TACR1: variants seen among roughly 807,000 people sequenced by gnomAD.
The protein encoded by TACR1 is substance-P receptor.
Under a neutral mutation model 35.8 loss-of-function variants are expected in TACR1, and 25 were observed. The observed-to-expected ratio is 0.70, with a 90% CI of 0.51 to 0.98. The LOEUF (loss-of-function observed/expected upper bound fraction) is 0.98. TACR1 is among the 50% of genes least tolerant of loss of function. The pLI, the probability that TACR1 is intolerant of heterozygous loss-of-function variation, is 0.00. For missense variants in TACR1, 478 were observed against 522.9 expected (o/e 0.91, Z 0.84); for synonymous variants, 195 against 206.7 (o/e 0.94, Z 0.48).
intron 2 of TACR1, among the ~76,000 whole-genome samples, chr2:75,086,894 T>G (rs1673199672): frequency 6.6e-6 from 1 of 152,146 alleles, no homozygotes; most frequent in South Asian, 2.1e-4. Flanking sequence ...AATGTGACAA[T>G]GACTTTCACC....
chr2:75,100,626 G>C (rs1673518188), intron 2 of TACR1, among the ~76,000 whole-genome samples: 2 of 152,190 alleles, frequency 1.3e-5, no homozygotes, highest in South Asian at 4.1e-4. Flanking sequence ...CTGCCCAAGT[G>C]TGCAGTAGAC....
chr2:75,071,810 A>G (rs565636287), intron 2 of TACR1, among the ~76,000 whole-genome samples: 6 of 152,242 alleles, frequency 3.9e-5, no homozygotes, highest in African/African-American at 9.6e-5. Context: ...TGCTCCATCA[A>G]TGCTCCCTCC....
chr2:75,099,857 G>A (rs947738415), intron 2 of TACR1, among the ~76,000 whole-genome samples: 1 of 152,090 alleles, frequency 6.6e-6, no homozygotes, highest in Admixed American at 6.5e-5. Context: ...ATCCATCTAT[G>A]AGCTTATGAC....
At chr2:75,059,512 C>T (rs1282727631) in intron 2 of TACR1, among the ~76,000 whole-genome samples, 1 of 152,128 alleles carries the variant, frequency 6.6e-6, no homozygotes, top group Non-Finnish European at 1.5e-5. Context: ...GCTTTGGGCA[C>T]CAGAGATCTA....
At chr2:75,152,041 C>G (rs1357057668) in intron 1 of TACR1, among the ~76,000 whole-genome samples, 1 of 152,132 alleles carries the variant, frequency 6.6e-6, no homozygotes, top group African/African-American at 2.4e-5. Flanking sequence ...ATATCTGTAC[C>G]CCCATTGTGT....
At chr2:75,161,445 A>C (rs530286187) in intron 1 of TACR1, among the ~76,000 whole-genome samples, 2 of 152,126 alleles carry the variant, frequency 1.3e-5, no homozygotes, top group Admixed American at 1.3e-4. Context: ...GGAATTAGAA[A>C]TACATACTAA....
At chr2:75,082,589 G>T (rs1572918509) in intron 2 of TACR1, among the ~76,000 whole-genome samples, 1 of 152,290 alleles carries the variant, frequency 6.6e-6, no homozygotes, top group East Asian at 1.9e-4. Flanking sequence ...AGCACCTGTT[G>T]TCTCCTGACT....
intron 2 of TACR1, among the ~76,000 whole-genome samples, chr2:75,064,814 A>G (rs373254314): frequency 6.2e-4 from 94 of 152,344 alleles, no homozygotes; most frequent in African/African-American, 2.2e-3. Flanking sequence ...GCTTTGAGGA[A>G]ATAAAGGAGA....
chr2:75,191,023 A>C (rs1675830581), intron 1 of TACR1, among the ~76,000 whole-genome samples: 1 of 152,212 alleles, frequency 6.6e-6, no homozygotes, highest in East Asian at 1.9e-4. Context: ...ATTAAAACTC[A>C]TGCTGATTCG....
intron 1 of TACR1, among the ~76,000 whole-genome samples, chr2:75,144,127 G>A (rs1205130591): frequency 6.6e-6 from 1 of 152,140 alleles, no homozygotes; most frequent in Non-Finnish European, 1.5e-5. Context: ...CAGCCGTAGG[G>A]TCCAGACTCC....
intron 1 of TACR1, among the ~76,000 whole-genome samples, chr2:75,127,208 A>AT (rs927442004): frequency 3.9e-5 from 6 of 151,978 alleles, no homozygotes; most frequent in Non-Finnish European, 8.8e-5. Flanking sequence ...CTTCCAGGAT[A>AT]TTTTTTTATC....
intron 2 of TACR1, among the ~76,000 whole-genome samples, chr2:75,084,892 T>G (rs980228497): frequency 6.6e-6 from 1 of 152,218 alleles, no homozygotes; most frequent in African/African-American, 2.4e-5. Context: ...CTGGATTCAT[T>G]GATTATTTGA....
intron 2 of TACR1, among the ~76,000 whole-genome samples, chr2:75,077,707 A>G (rs1472844385): frequency 6.6e-6 from 1 of 152,242 alleles, no homozygotes; most frequent in Non-Finnish European, 1.5e-5. Flanking sequence ...TGAACAACAC[A>G]GACCAGCCCT....
intron 2 of TACR1, among the ~76,000 whole-genome samples, chr2:75,098,876 A>G (rs1010698261): frequency 1.3e-5 from 2 of 151,310 alleles, no homozygotes; most frequent in African/African-American, 4.9e-5. Flanking sequence ...CTGCTTCCTG[A>G]GAATATGTGT....
chr2:75,077,040 G>T (rs535229296), intron 2 of TACR1, among the ~76,000 whole-genome samples: 7 of 151,994 alleles, frequency 4.6e-5, no homozygotes, highest in Non-Finnish European at 1.0e-4. Context: ...GCTCGATCTT[G>T]GCTCACCGTA....
At chr2:75,103,943 A>G (rs932093085) in intron 2 of TACR1, among the ~76,000 whole-genome samples, 2 of 152,068 alleles carry the variant, frequency 1.3e-5, no homozygotes, top group South Asian at 2.1e-4. Context: ...AAAGCATACT[A>G]TTATAGAAAA....
At chr2:75,137,559 A>C (rs7581675) in intron 1 of TACR1, among the ~76,000 whole-genome samples, 1 of 151,732 alleles carries the variant, frequency 6.6e-6, no homozygotes, top group Non-Finnish European at 1.5e-5. Flanking sequence ...CCCCATCTCT[A>C]CTAACAACAC....
At chr2:75,160,649 C>A (rs945780807) in intron 1 of TACR1, among the ~76,000 whole-genome samples, 2 of 150,892 alleles carry the variant, frequency 1.3e-5, no homozygotes, top group African/African-American at 4.9e-5. Flanking sequence ...AATGAAAGAA[C>A]CAGCTTTAGA....
At chr2:75,073,210 C>G (rs1386551643) in intron 2 of TACR1, among the ~76,000 whole-genome samples, 1 of 152,218 alleles carries the variant, frequency 6.6e-6, no homozygotes. Flanking sequence ...CACAATCACC[C>G]TGATTGGAGC....
Sources: allele counts gnomAD v4.1 joint callset (sites outside exome capture counted in the v4.1 genomes callset), GRCh38; gene constraint gnomAD v4.1.1; transcripts MANE v1.5; gene names NCBI Gene and HGNC (gene_info 2026-07-23, HGNC 2026-07-21).